GALNT12: variants seen among roughly 807,000 people sequenced by gnomAD.
GALNT12 encodes polypeptide N-acetylgalactosaminyltransferase 12, also known as UDP-GalNAc:polypeptide N-acetylgalactosaminyltransferase 12.
GALNT12 carries 45 observed loss-of-function variants against 55.5 expected under a neutral mutation model. That is an observed-to-expected ratio of 0.81 (90% CI 0.64 to 1.04). The LOEUF is 1.04. Ranked by LOEUF, GALNT12 falls within the 50% of genes least tolerant of loss-of-function variation. GALNT12 has a pLI of 0.00. For missense variants in GALNT12, 709 were observed against 754.8 expected, an observed-to-expected ratio of 0.94 and a Z score of 0.71; for synonymous variants, 304 against 312.2, an observed-to-expected ratio of 0.97 and a Z score of 0.28.
chr9:98,815,300 C>T (rs1835586344), intron 1 of GALNT12, among the ~76,000 whole-genome samples: 1 of 152,074 alleles, frequency 6.6e-6, no homozygotes, highest in Non-Finnish European at 1.5e-5. Context: ...ATGAGGTATC[C>T]AATACTTTAT....
chr9:98,846,844 G>A (rs995646401), intron 9 of GALNT12, among the ~76,000 whole-genome samples: 41 of 121,612 alleles, frequency 3.4e-4, no homozygotes, highest in Admixed American at 7.6e-4. Flanking sequence ...GAGACAGAGC[G>A]AGACTCCGTC....
At position 98,831,860 on chromosome 9, in the gene GALNT12, C is replaced by T. The variant is rs540061502; in HGVS notation, c.820C>T (p.Pro274Ser). Residue 274 changes from proline to serine, a missense_variant, in exon 4 of 10, where the codon CCC (proline) becomes TCC (serine). This residue lies in a region of GALNT12 where 315 missense variants were observed against 288.6 expected (regional missense o/e 1.09). Coordinates refer to ENST00000375011, the MANE Select transcript of GALNT12 (RefSeq NM_024642.5). ...CGAATACCTGGGGAACTCCGGGGAG[C>T]CCCAGATCGGCGGTTTCGACTGGAG... ...TFEYLGNSGE[P>S]QIGGFDWRLV... 10 of 1,614,172 alleles carry T rather than the reference C, an allele frequency of 6.2e-6. No homozygotes were observed. Among genetic ancestry groups the T allele is most frequent in the Admixed American group, 5.0e-5 (3 of 60,022 alleles).
intron 1 of GALNT12, among the ~76,000 whole-genome samples, chr9:98,809,816 A>G (rs894724753): frequency 6.6e-6 from 1 of 152,134 alleles, no homozygotes; most frequent in African/African-American, 2.4e-5. Flanking sequence ...TCTCTTTGAA[A>G]CACTGTGGAC....
intron 3 of GALNT12, among the ~76,000 whole-genome samples, chr9:98,830,676 T>C (rs1419182948): frequency 2.0e-5 from 3 of 152,246 alleles, no homozygotes; most frequent in African/African-American, 7.2e-5. Flanking sequence ...TGCCCTCAAT[T>C]GCTTTAAATA....
chr9:98,844,811 G>T (rs1161994354), intron 8 of GALNT12, among the ~76,000 whole-genome samples: 1 of 152,258 alleles, frequency 6.6e-6, no homozygotes, highest in East Asian at 1.9e-4. Flanking sequence ...GGGCAGGGGA[G>T]ATTCAGTCCT....
chr9:98,834,994 G>A (rs543423131), intron 4 of GALNT12, among the ~76,000 whole-genome samples: 1 of 152,226 alleles, frequency 6.6e-6, no homozygotes, highest in East Asian at 1.9e-4. Flanking sequence ...CCAGGGCCCT[G>A]GCTGACCTTA....
chr9:98,817,827 C>T (rs1473602905), intron 1 of GALNT12, among the ~76,000 whole-genome samples: 1 of 152,108 alleles, frequency 6.6e-6, no homozygotes, highest in East Asian at 1.9e-4. Flanking sequence ...GTAAGGGCCA[C>T]TAAAATTGAG....
intron 4 of GALNT12, among the ~76,000 whole-genome samples, chr9:98,833,475 G>C (rs1408160070): frequency 6.6e-6 from 1 of 152,160 alleles, no homozygotes; most frequent in Non-Finnish European, 1.5e-5. Flanking sequence ...GAAGGGATCG[G>C]AGCAGGAAGT....
chr9:98,822,432 C>T (rs1835764743), intron 1 of GALNT12, among the ~76,000 whole-genome samples: 1 of 152,152 alleles, frequency 6.6e-6, no homozygotes, highest in African/African-American at 2.4e-5. Flanking sequence ...CGGCAAATTG[C>T]TAAACAAAGA....
intron 3 of GALNT12, among the ~76,000 whole-genome samples, chr9:98,831,117 A>G (rs1393477727): frequency 1.3e-5 from 2 of 152,242 alleles, no homozygotes; most frequent in Admixed American, 6.5e-5. Flanking sequence ...ACACAGGCTG[A>G]TACCTGCAAA....
chr9:98,837,827 A>G (rs531913762), intron 6 of GALNT12, among the ~76,000 whole-genome samples: 1 of 152,314 alleles, frequency 6.6e-6, no homozygotes, highest in South Asian at 2.1e-4. Context: ...GGGCAACTCA[A>G]ATTTTTTGTC....
At chr9:98,822,459 T>C (rs1271717268) in intron 1 of GALNT12, among the ~76,000 whole-genome samples, 117 of 152,336 alleles carry the variant, frequency 7.7e-4, no homozygotes, top group African/African-American at 2.8e-3. Context: ...TTATTGGTTC[T>C]AATCACTGCC....
intron 1 of GALNT12, among the ~76,000 whole-genome samples, chr9:98,822,033 C>G (rs1050548553): frequency 1.3e-5 from 2 of 152,208 alleles, no homozygotes; most frequent in Non-Finnish European, 2.9e-5. Context: ...GGCCCAGTAG[C>G]ACATGCTGAC....
chr9:98,807,718 GGCGGCGCTGCCCGCGGGAACT>G lies in GALNT12; in HGVS notation c.28_48del (p.Cys10_Arg16del). 1 of 1,176,796 alleles carries G rather than the reference GGCGGCGCTGCCCGCGGGAACT, an allele frequency of 8.5e-7. No homozygotes were observed. The allele number at this position is 1,176,796 out of a possible 1,614,324, so 72.9% of individuals were successfully genotyped here. ...GGGCGCATGTGGGGGCGCACGGCGC[GGCGGCGCTGCCCGCGGGAACT>G]GCGGCGCGGCCGGGAGGCGCTGTTG... is the stretch of plus-strand genomic sequence containing the variant. On this transcript the variant is annotated inframe_deletion, in exon 1 of 10. Coordinates refer to ENST00000375011, the MANE Select transcript of GALNT12 (RefSeq NM_024642.5).
intron 7 of GALNT12, among the ~76,000 whole-genome samples, chr9:98,841,627 G>T (rs191517710): frequency 2.0e-5 from 3 of 151,016 alleles, no homozygotes; most frequent in Admixed American, 2.0e-4. Flanking sequence ...AAGCAATTTG[G>T]TATATGTGAG....
At chr9:98,822,560 G>A (rs1258676043) in intron 1 of GALNT12, among the ~76,000 whole-genome samples, 1 of 152,206 alleles carries the variant, frequency 6.6e-6, no homozygotes, top group Non-Finnish European at 1.5e-5. Context: ...CGGGGATTTG[G>A]GGGAGGTAAC....
intron 9 of GALNT12, chr9:98,847,606 T>G (rs1836449875): frequency 6.6e-6 from 1 of 152,148 alleles, no homozygotes; most frequent in Non-Finnish European, 1.5e-5. Flanking sequence ...TGAATTGGAT[T>G]TTTTACCTTT....
Position 98,828,878 on chromosome 9 carries a change from G to A in GALNT12, c.731+1937G>A, listed in dbSNP as rs560031321. Among the ~76,000 whole-genome samples the A allele has an allele frequency of 4.6e-5, 7 of 151,816 alleles. 1 individual carries two copies. In the South Asian group the frequency reaches 1.5e-3, roughly 32 times the overall value. On this transcript the variant is annotated intron_variant, in intron 3 of 9. Coordinates refer to ENST00000375011, the MANE Select transcript of GALNT12 (RefSeq NM_024642.5). The stretch of plus-strand genomic sequence containing the variant: ...AGAGTCTCACTCTGTCACCCAGGCT[G>A]GAGGGCAGTGGCGTGATCTTGGCTC...
rs772913658 is a variant in GALNT12, at chr9:98,826,791, T to G, written c.581T>G (p.Leu194Arg). ...KERLANELSG[L>R]PKVRLIRANK... ...CGCTTGGCCAATGAGCTTTCGGGACTGCCCAAGGTGCGCCTGATCCGCGCC... is the reference window on the plus strand; with the variant it reads ...CGCTTGGCCAATGAGCTTTCGGGACGGCCCAAGGTGCGCCTGATCCGCGCC... The change falls in exon 3 of 10, where the codon CTG (leucine) becomes CGG (arginine). Residue 194 changes from leucine (L) to arginine (R), a missense_variant. Physicochemically the swap from Leu to Arg is moderately radical, Grantham distance 102 (BLOSUM62 -2). Around this residue, in one of 5 missense-constraint regions of GALNT12, gnomAD observed 315 missense variants for 288.6 expected, o/e 1.09. Coordinates refer to ENST00000375011, the MANE Select transcript of GALNT12 (RefSeq NM_024642.5). 1 of 1,612,030 alleles carries G rather than the reference T, an allele frequency of 6.2e-7. No homozygotes were observed. The highest frequency in any genetic ancestry group is 1.1e-5 in the South Asian group (1 of 90,758).
Sources: gnomAD v4.1 joint callset for allele counts (sites outside exome capture counted in the v4.1 genomes callset) on GRCh38, gnomAD v4.1.1 for gene constraint, gnomAD v4.1.1 regional missense constraint, MANE v1.5 for transcripts, NCBI Gene and HGNC (gene_info 2026-07-23, HGNC 2026-07-21) for gene names.